MAML3: variants seen among roughly 807,000 people sequenced by gnomAD.
The protein encoded by MAML3 is mastermind-like protein 3.
In MAML3, 27 loss-of-function variants were observed where a neutral mutation model predicts 101.9. That is an observed-to-expected ratio of 0.27 (90% CI 0.20 to 0.37). The LOEUF is 0.37. Ranked by LOEUF, MAML3 falls within the 10% of genes least tolerant of loss-of-function variation. MAML3 has a pLI of 1.00. For missense variants in MAML3, 1,316 were observed against 1,444.9 expected (o/e 0.91, Z 1.45); for synonymous variants, 501 against 555.9 (o/e 0.90, Z 1.39).
intron 2 of MAML3, among the ~76,000 whole-genome samples, chr4:139,748,477 C>T (rs1006597004): frequency 6.6e-5 from 10 of 152,114 alleles, no homozygotes; most frequent in Non-Finnish European, 1.2e-4. Flanking sequence ...AAACGTACAA[C>T]AAGGGGGAGA....
chr4:139,879,968 T>C (rs1578644183), intron 2 of MAML3, among the ~76,000 whole-genome samples: 1 of 151,888 alleles, frequency 6.6e-6, no homozygotes, highest in East Asian at 1.9e-4. Context: ...AGCTTAGGAG[T>C]TTGTGACCAG....
intron 1 of MAML3, among the ~76,000 whole-genome samples, chr4:140,035,237 G>C (rs556257622): frequency 6.6e-6 from 1 of 152,128 alleles, no homozygotes; most frequent in African/African-American, 2.4e-5. Flanking sequence ...GTCTCCAAAA[G>C]TGCTGGGATT....
At chr4:139,976,987 G>A (rs760606975) in intron 1 of MAML3, among the ~76,000 whole-genome samples, 3 of 152,074 alleles carry the variant, frequency 2.0e-5, no homozygotes, top group Non-Finnish European at 4.4e-5. Context: ...TCATCAATGT[G>A]CCATATTAGA....
intron 2 of MAML3, among the ~76,000 whole-genome samples, chr4:139,879,577 T>C (rs951206585): frequency 1.9e-5 from 2 of 103,016 alleles, no homozygotes; most frequent in African/African-American, 7.5e-5. Flanking sequence ...AAGAAAATGG[T>C]GGTGGTGGTA....
intron 1 of MAML3, among the ~76,000 whole-genome samples, chr4:140,074,345 C>A (rs116278412): frequency 6.6e-6 from 1 of 152,150 alleles, no homozygotes. Context: ...CTACCAGCAA[C>A]CCCCTGGTCC....
rs528301233 is a variant in MAML3, at chr4:139,871,016, G to A, written c.2079+18341C>T. ...TCAGATGTTTTTGGAATGCATGTTT[G>A]TGTGTACATACACAAATATACATGC... is the stretch of plus-strand genomic sequence containing the variant. On this transcript the variant is annotated intron_variant, in intron 2 of 4. Coordinates refer to ENST00000509479, the MANE Select transcript of MAML3 (RefSeq NM_018717.5). 9.2e-5 allele frequency among the ~76,000 whole-genome samples: 14 copies of A among 152,314 alleles called. No individual in the cohort carries two copies. In the South Asian group the frequency reaches 2.5e-3, roughly 27 times the overall value.
intron 1 of MAML3, among the ~76,000 whole-genome samples, chr4:139,949,778 A>C (rs1733801804): frequency 6.6e-6 from 1 of 152,102 alleles, no homozygotes; most frequent in South Asian, 2.1e-4. Flanking sequence ...TGTTAACTTG[A>C]CTGGGCTATG....
At chr4:139,939,070 A>G (rs948569399) in intron 1 of MAML3, among the ~76,000 whole-genome samples, 4 of 152,174 alleles carry the variant, frequency 2.6e-5, no homozygotes, top group African/African-American at 7.2e-5. Context: ...TCCTTTCGGG[A>G]ACACATGATA....
intron 1 of MAML3, among the ~76,000 whole-genome samples, chr4:139,970,845 T>C (rs149408992): frequency 5.3e-5 from 8 of 152,310 alleles, no homozygotes; most frequent in Middle Eastern, 3.4e-3. Context: ...TTTTCACTGT[T>C]TCCAGAGGCC....
At chr4:140,108,561 A>G (rs1451899519) in intron 1 of MAML3, among the ~76,000 whole-genome samples, 1 of 149,080 alleles carries the variant, frequency 6.7e-6, no homozygotes. Context: ...TATTGTGGAG[A>G]TTAAAAGATT....
chr4:140,085,299 A>G (rs553214513), intron 1 of MAML3, among the ~76,000 whole-genome samples: 16 of 152,314 alleles, frequency 1.1e-4, no homozygotes, highest in African/African-American at 3.8e-4. Context: ...TTGCAGTCAT[A>G]GAGCTGGTCT....
intron 1 of MAML3, among the ~76,000 whole-genome samples, chr4:140,042,022 C>A (rs987426412): frequency 6.6e-6 from 1 of 152,146 alleles, no homozygotes; most frequent in Non-Finnish European, 1.5e-5. Flanking sequence ...ACTCATTTAA[C>A]CTTCACAAAC....
chr4:139,879,519 C>A (rs1732176489), intron 2 of MAML3, among the ~76,000 whole-genome samples: 1 of 91,814 alleles, frequency 1.1e-5, no homozygotes, highest in African/African-American at 3.7e-5. Flanking sequence ...AAGTGAGGCT[C>A]TGACTGAAAA....
intron 1 of MAML3, among the ~76,000 whole-genome samples, chr4:140,089,642 A>G (rs1728011721): frequency 6.6e-6 from 1 of 152,262 alleles, no homozygotes; most frequent in African/African-American, 2.4e-5. Flanking sequence ...AAGAAGCCAG[A>G]TTCGAAAGGC....
intron 1 of MAML3, among the ~76,000 whole-genome samples, chr4:140,005,396 C>T (rs893015980): frequency 6.6e-6 from 1 of 152,346 alleles, no homozygotes; most frequent in Non-Finnish European, 1.5e-5. Context: ...TGCCAGGCAG[C>T]TGTCCTCCAA....
intron 1 of MAML3, among the ~76,000 whole-genome samples, chr4:140,053,712 G>A (rs918045828): frequency 1.3e-5 from 2 of 152,148 alleles, no homozygotes; most frequent in Non-Finnish European, 2.9e-5. Context: ...GGACAAAATC[G>A]AGGCTCTAAT....
intron 1 of MAML3, among the ~76,000 whole-genome samples, chr4:139,980,745 G>A (rs1709920394): frequency 6.6e-6 from 1 of 152,154 alleles, no homozygotes; most frequent in Non-Finnish European, 1.5e-5. Context: ...TGACAGCCAA[G>A]GTTCTTCCTC....
chr4:139,926,318 G>A (rs1733257540), intron 1 of MAML3, among the ~76,000 whole-genome samples: 1 of 152,120 alleles, frequency 6.6e-6, no homozygotes, highest in African/African-American at 2.4e-5. Flanking sequence ...CTACTATAGG[G>A]CCAGGCGCAG....
chr4:139,938,912 C>A (rs1045628151), intron 1 of MAML3, among the ~76,000 whole-genome samples: 1 of 152,174 alleles, frequency 6.6e-6, no homozygotes, highest in African/African-American at 2.4e-5. Flanking sequence ...TAGTCTTTCC[C>A]AGATGCAATT....
Sources: gnomAD v4.1 joint callset for allele counts (sites outside exome capture counted in the v4.1 genomes callset) on GRCh38, gnomAD v4.1.1 for gene constraint, MANE v1.5 for transcripts, NCBI Gene and HGNC (gene_info 2026-07-23, HGNC 2026-07-21) for gene names.